Variants in EPB41L2 observed in about 807,000 individuals in gnomAD.
EPB41L2 encodes the protein band 4.1-like protein 2.
EPB41L2 carries 43 observed loss-of-function variants against 113.0 expected under a neutral mutation model. The ratio of observed to expected loss-of-function variants is 0.38; its 90% confidence interval spans 0.30 to 0.49. The LOEUF (loss-of-function observed/expected upper bound fraction) is 0.49, where lower values mean the gene tolerates loss of function less well. Among genes scored for constraint, EPB41L2 ranks in the 20% least tolerant of loss-of-function variants. The pLI is 0.95. For missense variants in EPB41L2, 1,147 were observed against 1,223.4 expected, an observed-to-expected ratio of 0.94 and a Z score of 0.93; for synonymous variants, 442 against 436.7, an observed-to-expected ratio of 1.01 and a Z score of -0.15.
intron 1 of EPB41L2, among the ~76,000 whole-genome samples, chr6:130,973,614 C>A (rs1777450074): frequency 1.3e-5 from 2 of 152,174 alleles, no homozygotes; most frequent in Admixed American, 1.3e-4. Context: ...TGCCTCCTTC[C>A]TTTCTATTCA....
intron 3 of EPB41L2, among the ~76,000 whole-genome samples, chr6:130,943,755 T>C (rs763494655): frequency 5.3e-5 from 8 of 152,172 alleles, no homozygotes; most frequent in Non-Finnish European, 1.0e-4. Context: ...TGGCCTATCA[T>C]TCTTTAGTTT....
intron 1 of EPB41L2, among the ~76,000 whole-genome samples, chr6:131,021,627 C>T (rs1789508537): frequency 6.6e-6 from 1 of 151,892 alleles, no homozygotes; most frequent in Admixed American, 6.6e-5. Flanking sequence ...CACCATTGCA[C>T]TCCTGCCTGG....
At chr6:130,886,830 T>C (rs1791167385) in intron 11 of EPB41L2, among the ~76,000 whole-genome samples, 1 of 152,108 alleles carries the variant, frequency 6.6e-6, no homozygotes, top group African/African-American at 2.4e-5. Context: ...AGATGGGGTT[T>C]CACCATGTTG....
chr6:130,843,095 G>A (rs941570701), intron 19 of EPB41L2, among the ~76,000 whole-genome samples: 3 of 152,156 alleles, frequency 2.0e-5, no homozygotes, highest in South Asian at 2.1e-4. Context: ...CTTATTGTAC[G>A]AAGACTTTAT....
chr6:131,021,243 A>G (rs1304931062), intron 1 of EPB41L2, among the ~76,000 whole-genome samples: 1 of 152,186 alleles, frequency 6.6e-6, no homozygotes, highest in African/African-American at 2.4e-5. Context: ...CGGACTTCCT[A>G]GGTTACAACA....
At chr6:130,893,745 A>G (rs1282058274) in intron 10 of EPB41L2, among the ~76,000 whole-genome samples, 2 of 152,240 alleles carry the variant, frequency 1.3e-5, no homozygotes, top group African/African-American at 2.4e-5. Flanking sequence ...GGACTAGCAG[A>G]CAGAGAAGGT....
chr6:130,882,969 C>A (rs1168587883), intron 12 of EPB41L2: 1 of 152,798 alleles, frequency 6.5e-6, no homozygotes, highest in Non-Finnish European at 1.5e-5. Context: ...TCAGGCATAG[C>A]AACTTCAGAA....
intron 1 of EPB41L2, among the ~76,000 whole-genome samples, chr6:130,958,132 T>C (rs1818071711): frequency 6.6e-6 from 1 of 151,958 alleles, no homozygotes; most frequent in African/African-American, 2.4e-5. Context: ...TAAGCATACA[T>C]TAAGTCAATA....
intron 1 of EPB41L2, among the ~76,000 whole-genome samples, chr6:131,033,498 C>T (rs1792653625): frequency 6.6e-6 from 1 of 151,966 alleles, no homozygotes; most frequent in African/African-American, 2.4e-5. Flanking sequence ...CACCAATGTT[C>T]ATAACAGCAT....
intron 3 of EPB41L2, among the ~76,000 whole-genome samples, chr6:130,927,853 G>A (rs927187797): frequency 6.6e-6 from 1 of 152,196 alleles, no homozygotes; most frequent in African/African-American, 2.4e-5. Context: ...AGCACTTTGG[G>A]AGGCTGAGGC....
At position 130,955,278 on chromosome 6, in the gene EPB41L2, T is replaced by G. The variant is rs977715483; in HGVS notation, c.532A>C (p.Lys178Gln). ...TCTAATTTGTCTTCCTGTGTTTCTT[T>G]TACCTTCTCTTCTCTCTCCTTACTT... ...LVSKEREEKV[K>Q]ETQEDKLEGG... The change falls in exon 3 of 20, where the codon AAA becomes CAA. Residue 178 changes from lysine to glutamine, a missense_variant. Transcript: ENST00000337057. The G allele has an allele frequency of 1.9e-6, 3 of 1,613,960 alleles. No homozygotes were observed. Among genetic ancestry groups the G allele is most frequent in the Non-Finnish European group, 2.5e-6 (3 of 1,180,044 alleles).
intron 1 of EPB41L2, among the ~76,000 whole-genome samples, chr6:131,045,371 A>ATGAATATTTAATATTTAAATATTCATTT (rs1220971235): frequency 1.9e-4 from 20 of 102,974 alleles, no homozygotes; most frequent in Non-Finnish European, 3.3e-4. Flanking sequence ...ATTCATTTAA[A>ATGAATATTTAATATTTAAATATTCATTT]AATGATGAGA....
At chr6:131,055,074 C>A (rs1797349086) in intron 1 of EPB41L2, among the ~76,000 whole-genome samples, 1 of 152,220 alleles carries the variant, frequency 6.6e-6, no homozygotes, top group African/African-American at 2.4e-5. Flanking sequence ...CAGTGGTATA[C>A]TGAGTTGATC....
At chr6:131,046,322 C>G (rs773391711) in intron 1 of EPB41L2, among the ~76,000 whole-genome samples, 12 of 152,096 alleles carry the variant, frequency 7.9e-5, no homozygotes, top group Non-Finnish European at 1.5e-4. Context: ...GGTACCTGAA[C>G]CACCTAAGAG....
At chr6:131,032,131 A>T (rs1242346579) in intron 1 of EPB41L2, among the ~76,000 whole-genome samples, 1 of 152,196 alleles carries the variant, frequency 6.6e-6, no homozygotes, top group Non-Finnish European at 1.5e-5. Flanking sequence ...CTCATATATC[A>T]TATATAATAT....
At chr6:131,036,328 T>G (rs1024923736) in intron 1 of EPB41L2, among the ~76,000 whole-genome samples, 14 of 152,068 alleles carry the variant, frequency 9.2e-5, no homozygotes, top group South Asian at 2.1e-4. Flanking sequence ...GGAGAAAACA[T>G]GAACTGCTCA....
At chr6:130,977,266 T>C (rs562558369) in intron 1 of EPB41L2, among the ~76,000 whole-genome samples, 2 of 152,284 alleles carry the variant, frequency 1.3e-5, no homozygotes, top group East Asian at 1.9e-4. Flanking sequence ...AGAATCAAAG[T>C]AGTTCAGAGC....
At chr6:130,985,997 C>CA (rs1780459020) in intron 1 of EPB41L2, among the ~76,000 whole-genome samples, 3 of 151,260 alleles carry the variant, frequency 2.0e-5, no homozygotes, top group Admixed American at 1.3e-4. Flanking sequence ...ATACAAAAGC[C>CA]AAAAAAAACC....
chr6:130,896,509 G>A (rs929805617), intron 8 of EPB41L2, among the ~76,000 whole-genome samples: 15 of 152,172 alleles, frequency 9.9e-5, no homozygotes, highest in African/African-American at 2.9e-4. Flanking sequence ...GAGGCAACCC[G>A]CATTTGAAAC....
Sources: allele counts gnomAD v4.1 joint callset (sites outside exome capture counted in the v4.1 genomes callset), GRCh38; gene constraint gnomAD v4.1.1; transcripts MANE v1.5; gene names NCBI Gene and HGNC (gene_info 2026-07-23, HGNC 2026-07-21).